TIMM23: variants seen among roughly 807,000 people sequenced by gnomAD.
The protein encoded by TIMM23 is translocase of inner mitochondrial membrane 23, also known as mitochondrial import inner membrane translocase subunit Tim23.
TIMM23 carries 19 observed loss-of-function variants against 30.7 expected under a neutral mutation model. The ratio of observed to expected loss-of-function variants is 0.62; its 90% confidence interval spans 0.43 to 0.91. The LOEUF is 0.91. Among genes scored for constraint, TIMM23 ranks in the 40% least tolerant of loss-of-function variants. TIMM23 has a pLI of 0.00. For synonymous variants in TIMM23, 78 were observed against 98.5 expected (o/e 0.79, Z 1.23); for missense variants, 202 against 269.2 (o/e 0.75, Z 1.75).
At chr10:46,001,139 C>T (rs782328330) in intron 6 of TIMM23, among the ~76,000 whole-genome samples, 5 of 152,176 alleles carry the variant, frequency 3.3e-5, no homozygotes, top group Admixed American at 6.5e-5. Context: ...GACATGAGGT[C>T]GATCCTTATT....
chr10:45,975,620 C>A (rs1837650842), intron 2 of TIMM23, 108 bp downstream of exon 2: 2 of 1,418,750 alleles, frequency 1.4e-6, no homozygotes, highest in Non-Finnish European at 2.0e-6. Context: ...GGCAGTAAGT[C>A]TCTGGTCTCC....
At chr10:45,991,411 G>C (rs1409922406) in intron 6 of TIMM23, among the ~76,000 whole-genome samples, 2 of 152,170 alleles carry the variant, frequency 1.3e-5, no homozygotes, top group African/African-American at 4.8e-5. Flanking sequence ...AAATGGTCCA[G>C]GAAAAGTATT....
intron 2 of TIMM23, among the ~76,000 whole-genome samples, chr10:45,975,984 T>C (rs1554913024): frequency 2.0e-5 from 3 of 152,124 alleles, no homozygotes; most frequent in South Asian, 2.1e-4. Flanking sequence ...GTGTTTTCAA[T>C]AGAGACGGGG....
chr10:45,993,078 A>G (rs1158717374), intron 6 of TIMM23, among the ~76,000 whole-genome samples: 1 of 152,050 alleles, frequency 6.6e-6, no homozygotes, highest in East Asian at 1.9e-4. Flanking sequence ...TGAGGCCTTA[A>G]ACACTGTAGT....
intron 5 of TIMM23, among the ~76,000 whole-genome samples, chr10:45,987,672 G>C (rs1838032827): frequency 7.3e-6 from 1 of 136,788 alleles, no homozygotes; most frequent in Non-Finnish European, 1.5e-5. Context: ...ACCCATGCTA[G>C]AGTGCAGTGG....
At chr10:45,975,617 A>G in intron 2 of TIMM23, 105 bp downstream of exon 2, 1 of 1,451,122 alleles carries the variant, frequency 6.9e-7, no homozygotes, top group East Asian at 2.3e-5. Flanking sequence ...GGAGGCAGTA[A>G]GTCTCTGGTC....
intron 6 of TIMM23, among the ~76,000 whole-genome samples, chr10:46,000,323 G>T (rs1222308067): frequency 6.6e-6 from 1 of 152,212 alleles, no homozygotes; most frequent in Non-Finnish European, 1.5e-5. Context: ...ACTAATAAAT[G>T]TCCATGAAAT....
intron 2 of TIMM23, among the ~76,000 whole-genome samples, chr10:45,979,606 CTTTTTTTTTTTTT>C (rs1171770886): frequency 1.8e-5 from 1 of 54,412 alleles, no homozygotes; most frequent in East Asian, 7.5e-4. Context: ...CATGCCTGGC[CTTTTTTTTTTTTT>C]TTTTTTTTTT....
chr10:45,986,964 TTC>T (rs1239044531), intron 5 of TIMM23, among the ~76,000 whole-genome samples: 4 of 152,210 alleles, frequency 2.6e-5, no homozygotes, highest in African/African-American at 9.7e-5. Context: ...TTCCAGGCGT[TTC>T]TCTGCATAGC....
chr10:46,001,702 C>A (rs1294807644), intron 6 of TIMM23, among the ~76,000 whole-genome samples: 5 of 152,132 alleles, frequency 3.3e-5, no homozygotes, highest in Non-Finnish European at 7.3e-5. Flanking sequence ...ACTCTAGGTA[C>A]AAAGATGGCT....
chr10:45,976,700 G>C (rs1235806319), intron 2 of TIMM23, among the ~76,000 whole-genome samples: 1 of 152,012 alleles, frequency 6.6e-6, no homozygotes, highest in Non-Finnish European at 1.5e-5. Context: ...ATTTAATGGT[G>C]AAAGACTGAA....
intron 6 of TIMM23, among the ~76,000 whole-genome samples, chr10:46,001,454 C>T (rs1226316566): frequency 6.6e-6 from 1 of 152,154 alleles, no homozygotes; most frequent in Non-Finnish European, 1.5e-5. Flanking sequence ...GTAAGCAGGT[C>T]AGCTATCAGA....
rs1219044229 is a variant in TIMM23 at position 45,986,872 on chromosome 10, A to T, written c.403+1431A>T. Among the ~76,000 whole-genome samples, 4 of 152,088 alleles carry T rather than the reference A, an allele frequency of 2.6e-5. No individual in the cohort carries two copies. The East Asian group carries it at 7.7e-4, about 29-fold the overall frequency. ...GTATAGCAATTATGGGTAGCATATA[A>T]ATGAAAATTTTAAATATTCTTCCTG... On this transcript the variant is annotated intron_variant, in intron 5 of 6. Coordinates refer to ENST00000580018, the MANE Select transcript of TIMM23 (RefSeq NM_006327.4).
At chr10:45,985,340 T>C in intron 4 of TIMM23, 43 bp from the exon 5 acceptor site, 2 of 1,611,838 alleles carry the variant, frequency 1.2e-6, no homozygotes, top group Non-Finnish European at 1.7e-6. Flanking sequence ...ACTAGAGAAA[T>C]AATGATTCTA....
At chr10:45,985,333 A>G (rs1307963560) in intron 4 of TIMM23, 50 bp from the exon 5 acceptor site, 4 of 1,610,974 alleles carry the variant, frequency 2.5e-6, no homozygotes, top group Non-Finnish European at 2.5e-6. Context: ...AAAGGTTACT[A>G]GAGAAATAAT....
intron 6 of TIMM23, 65 bp downstream of exon 6, chr10:45,988,912 G>A: frequency 4.7e-6 from 7 of 1,484,514 alleles, no homozygotes; most frequent in Non-Finnish European, 6.6e-6. Context: ...AAAATTCATG[G>A]TTTTCAAGGA....
At chr10:45,993,468 G>A (rs1838233918) in intron 6 of TIMM23, among the ~76,000 whole-genome samples, 1 of 151,916 alleles carries the variant, frequency 6.6e-6, no homozygotes. Flanking sequence ...TGGTCAGGCT[G>A]ATCTCGAACT....
intron 4 of TIMM23, 47 bp from the exon 5 acceptor site, chr10:45,985,336 G>C (rs1837963232): frequency 6.2e-7 from 1 of 1,611,630 alleles, no homozygotes; most frequent in Admixed American, 1.7e-5. Flanking sequence ...GGTTACTAGA[G>C]AAATAATGAT....
At chr10:45,976,449 A>G (rs1485254426) in intron 2 of TIMM23, among the ~76,000 whole-genome samples, 3 of 143,362 alleles carry the variant, frequency 2.1e-5, no homozygotes, top group Non-Finnish European at 4.5e-5. Context: ...TGTTTCTACT[A>G]AAAATACAAA....
Sources: allele counts gnomAD v4.1 joint callset (sites outside exome capture counted in the v4.1 genomes callset), GRCh38; gene constraint gnomAD v4.1.1; transcripts MANE v1.5; gene names NCBI Gene and HGNC (gene_info 2026-07-23, HGNC 2026-07-21).